Variants in TMEM132C observed in about 807,000 individuals in gnomAD.
TMEM132C encodes the protein transmembrane protein 132C.
Under a neutral mutation model 61.4 loss-of-function variants are expected in TMEM132C, and 29 were observed. The ratio of observed to expected loss-of-function variants is 0.47; its 90% CI spans 0.35 to 0.64. TMEM132C has a LOEUF of 0.64. Ranked by LOEUF, TMEM132C falls within the 30% of genes least tolerant of loss-of-function variation. TMEM132C has a pLI of 0.00. For missense variants in TMEM132C, 1,408 were observed against 1,476.9 expected (o/e 0.95, Z 0.76); for synonymous variants, 656 against 633.1 (o/e 1.04, Z -0.54).
chr12:128,329,331 T>C (rs1872611479), intron 1 of TMEM132C, among the ~76,000 whole-genome samples: 1 of 152,074 alleles, frequency 6.6e-6, no homozygotes, highest in South Asian at 2.1e-4. Flanking sequence ...GTAAACTCTG[T>C]CCGGGAGTGG....
intron 3 of TMEM132C, among the ~76,000 whole-genome samples, chr12:128,547,910 G>A (rs1874016195): frequency 6.6e-6 from 1 of 152,196 alleles, no homozygotes; most frequent in African/African-American, 2.4e-5. Flanking sequence ...ACTAAAAGTG[G>A]TGGCTTTGTA....
intron 1 of TMEM132C, among the ~76,000 whole-genome samples, chr12:128,291,614 A>C (rs1871249830): frequency 6.6e-6 from 1 of 152,196 alleles, no homozygotes; most frequent in African/African-American, 2.4e-5. Flanking sequence ...CTGTTCCCGT[A>C]ACTCAGGGAT....
intron 4 of TMEM132C, among the ~76,000 whole-genome samples, chr12:128,645,700 C>T (rs990357585): frequency 1.3e-5 from 2 of 152,228 alleles, no homozygotes; most frequent in Admixed American, 1.3e-4. Flanking sequence ...CCAGCAGGGG[C>T]CCCCTTTGGG....
intron 2 of TMEM132C, among the ~76,000 whole-genome samples, chr12:128,439,995 T>C (rs1442274248): frequency 6.6e-6 from 1 of 152,224 alleles, no homozygotes; most frequent in East Asian, 1.9e-4. Context: ...GCACCATCTA[T>C]TGCAAAACAA....
intron 4 of TMEM132C, among the ~76,000 whole-genome samples, chr12:128,625,541 G>C (rs1023216254): frequency 1.3e-5 from 2 of 152,336 alleles, no homozygotes; most frequent in East Asian, 1.9e-4. Flanking sequence ...GGAGGAGCAA[G>C]TCACATCTTA....
At chr12:128,688,069 G>T (rs142115922) in intron 5 of TMEM132C, among the ~76,000 whole-genome samples, 1 of 152,346 alleles carries the variant, frequency 6.6e-6, no homozygotes, top group Non-Finnish European at 1.5e-5. Flanking sequence ...GGAAACGTGG[G>T]CAGAGCCACT....
intron 2 of TMEM132C, among the ~76,000 whole-genome samples, chr12:128,482,517 T>C (rs899671014): frequency 1.3e-5 from 2 of 152,168 alleles, no homozygotes; most frequent in East Asian, 3.9e-4. Context: ...AGTCCCTCTT[T>C]TTCTATTGTT....
chr12:128,489,076 G>A (rs76258354), intron 2 of TMEM132C, among the ~76,000 whole-genome samples: 3,524 of 152,240 alleles, frequency 0.023, 62 homozygotes, highest in Middle Eastern at 0.044. Flanking sequence ...GACCAAGGGT[G>A]CAGACTAGCA....
chr12:128,307,293 GGATGTTGA>G, intron 1 of TMEM132C, among the ~76,000 whole-genome samples: 1 of 152,216 alleles, frequency 6.6e-6, no homozygotes, highest in East Asian at 1.9e-4. Context: ...AAGGGAGAAA[GGATGTTGA>G]GTTATCAAAA....
rs61627760 is a variant in TMEM132C, at chr12:128,304,639, A to AAGAAAG, written c.85+37153_85+37154insGAAAGA. On this transcript the variant is annotated intron_variant, in intron 1 of 8. Transcript: ENST00000435159. Reference sequence around the variant, plus strand: ...AAAGAAAGAAAGAAAGAAAGAAAGAAAAAAAAGAAAGAGCCTTTCAGAATC... The same window carrying AAGAAAG: ...AAAGAAAGAAAGAAAGAAAGAAAGAAAGAAAGAAAAAAGAAAGAGCCTTTCAGAATC... Among the ~76,000 whole-genome samples the AAGAAAG allele has an allele frequency of 6.1e-3, 868 of 142,748 alleles. 4 individuals carry two copies. The highest frequency in any genetic ancestry group is 0.018 in the Middle Eastern group (5 of 280). 93.6% of individuals were successfully genotyped at this position (142,748 alleles called of 152,430 possible). A position where few individuals can be genotyped will look rare whatever the true frequency, so the allele number is the denominator to read the frequency against.
chr12:128,623,474 A>T (rs113854178), intron 4 of TMEM132C, among the ~76,000 whole-genome samples: 1 of 151,288 alleles, frequency 6.6e-6, no homozygotes, highest in Non-Finnish European at 1.5e-5. Flanking sequence ...CTGCCAAAAA[A>T]AAAAGTAAAG....
At chr12:128,350,681 G>T (rs1873310921) in intron 1 of TMEM132C, among the ~76,000 whole-genome samples, 2 of 152,028 alleles carry the variant, frequency 1.3e-5, no homozygotes, top group South Asian at 4.2e-4. Context: ...ATGTGTCCCA[G>T]ATTGGAGCTG....
intron 3 of TMEM132C, among the ~76,000 whole-genome samples, chr12:128,601,970 T>G (rs771373526): frequency 2.9e-4 from 44 of 152,102 alleles, no homozygotes; most frequent in Non-Finnish European, 5.0e-4. Flanking sequence ...CCCAGCACTT[T>G]GGGAGGCTAA....
intron 2 of TMEM132C, among the ~76,000 whole-genome samples, chr12:128,525,751 C>G (rs961415027): frequency 4.6e-5 from 7 of 152,140 alleles, no homozygotes; most frequent in African/African-American, 1.7e-4. Flanking sequence ...AGCTGTTAGC[C>G]CTGGGGATGT....
chr12:128,440,680 G>T (rs765753670), intron 2 of TMEM132C, among the ~76,000 whole-genome samples: 1 of 152,232 alleles, frequency 6.6e-6, no homozygotes, highest in Non-Finnish European at 1.5e-5. Context: ...AGGAGTCTGG[G>T]AAAGTGAGTT....
At chr12:128,594,678 A>T (rs1356120018) in intron 3 of TMEM132C, among the ~76,000 whole-genome samples, 1 of 152,178 alleles carries the variant, frequency 6.6e-6, no homozygotes, top group African/African-American at 2.4e-5. Context: ...TTTTTCAACA[A>T]GGATGATGTT....
chr12:128,669,486 G>C lies in TMEM132C; in HGVS notation c.1375G>C (p.Val459Leu). 6.4e-7 allele frequency: 1 copy of C among 1,551,694 alleles called. No homozygotes were observed. Among genetic ancestry groups the C allele is most frequent in the Non-Finnish European group, 8.7e-7 (1 of 1,146,998 alleles). The change falls in exon 5 of 9, where the codon GTG (valine) becomes CTG (leucine). Residue 459 changes from valine to leucine, a missense_variant. Physicochemically the swap from Val to Leu is conservative, Grantham distance 32. Transcript: ENST00000435159. Reference sequence around the variant, plus strand: ...TGCCATGCCTATCAAGGTGGTCTCTGTGGAGGAGAACAGTGCCGTGATGGA... The same window carrying C: ...TGCCATGCCTATCAAGGTGGTCTCTCTGGAGGAGAACAGTGCCGTGATGGA... Reference protein sequence around the residue: ...TVAMPIKVVSVEENSAVMDIS... With the variant: ...TVAMPIKVVSLEENSAVMDIS...
intron 2 of TMEM132C, among the ~76,000 whole-genome samples, chr12:128,452,403 A>G (rs75784255): frequency 0.012 from 1,714 of 145,882 alleles, 31 homozygotes; most frequent in African/African-American, 0.04. Flanking sequence ...CCTGGTCGCA[A>G]TTTTCACAAG....
At chr12:128,594,015 T>C (rs1875855058) in intron 3 of TMEM132C, among the ~76,000 whole-genome samples, 1 of 151,042 alleles carries the variant, frequency 6.6e-6, no homozygotes. Flanking sequence ...AGACCTGCTC[T>C]CAATGCCGGC....
Sources: gnomAD v4.1 joint callset for allele counts (sites outside exome capture counted in the v4.1 genomes callset) on GRCh38, gnomAD v4.1.1 for gene constraint, MANE v1.5 for transcripts, NCBI Gene and HGNC (gene_info 2026-07-23, HGNC 2026-07-21) for gene names.